RGS6: variants seen among roughly 807,000 people sequenced by gnomAD.
RGS6 encodes the protein regulator of G protein signaling 6.
RGS6 carries 30 observed loss-of-function variants against 78.5 expected under a neutral mutation model. The ratio of observed to expected loss-of-function variants is 0.38; its 90% confidence interval spans 0.29 to 0.52. The LOEUF (loss-of-function observed/expected upper bound fraction) is 0.52, where lower values mean the gene tolerates loss of function less well. Ranked by LOEUF, RGS6 falls within the 20% of genes least tolerant of loss-of-function variation. The pLI is 0.85. For synonymous variants in RGS6, 206 were observed against 206.0 expected (o/e 1.00, Z 0.00); for missense variants, 495 against 609.7 (o/e 0.81, Z 1.98).
intron 2 of RGS6, among the ~76,000 whole-genome samples, chr14:72,281,356 C>T (rs1032907547): frequency 1.3e-5 from 2 of 151,954 alleles, no homozygotes; most frequent in Admixed American, 1.3e-4. Flanking sequence ...TCCATGTTGG[C>T]CAGGCTGGTC....
chr14:72,083,734 A>G (rs1360095902), intron 2 of RGS6, among the ~76,000 whole-genome samples: 2 of 152,238 alleles, frequency 1.3e-5, no homozygotes, highest in Admixed American at 1.3e-4. Flanking sequence ...TCTGCTAAAG[A>G]TAATTCTAAT....
intron 15 of RGS6, among the ~76,000 whole-genome samples, chr14:72,530,911 T>C (rs779739120): frequency 1.3e-5 from 2 of 152,164 alleles, no homozygotes; most frequent in Non-Finnish European, 2.9e-5. Context: ...TGCTGAACAT[T>C]AAATTCCAAC....
At chr14:72,173,290 GA>G (rs1429076915) in intron 2 of RGS6, among the ~76,000 whole-genome samples, 1 of 152,082 alleles carries the variant, frequency 6.6e-6, no homozygotes, top group African/African-American at 2.4e-5. Flanking sequence ...ATCTGGCTCA[GA>G]ATGTCAGTAG....
At chr14:72,439,837 G>A (rs1250450892) in intron 3 of RGS6, among the ~76,000 whole-genome samples, 4 of 152,224 alleles carry the variant, frequency 2.6e-5, no homozygotes, top group Non-Finnish European at 5.9e-5. Context: ...GTGTTCTGCT[G>A]AAGGCTGTGG....
At chr14:72,539,682 G>C (rs944390011) in intron 16 of RGS6, among the ~76,000 whole-genome samples, 2 of 152,156 alleles carry the variant, frequency 1.3e-5, no homozygotes, top group African/African-American at 4.8e-5. Flanking sequence ...CTGTGGGCAC[G>C]GCAGGTTGAA....
chr14:72,177,585 G>T (rs982868426), intron 2 of RGS6, among the ~76,000 whole-genome samples: 2 of 152,188 alleles, frequency 1.3e-5, no homozygotes, highest in African/African-American at 4.8e-5. Context: ...GTAGATTTAA[G>T]TAATGGAAAG....
chr14:72,429,212 AG>A (rs1241221282), intron 3 of RGS6, among the ~76,000 whole-genome samples: 1 of 152,192 alleles, frequency 6.6e-6, no homozygotes, highest in Non-Finnish European at 1.5e-5. Context: ...AGATAAAAAA[AG>A]GGATGTGCAT....
chr14:71,902,099 G>A, the RGS6 span, among the ~76,000 whole-genome samples: 1 of 152,000 alleles, frequency 6.6e-6, no homozygotes, highest in Non-Finnish European at 1.5e-5. Context: ...AAAGAACCTG[G>A]TTTTTGATGA....
At chr14:71,926,467 C>G in the RGS6 span, among the ~76,000 whole-genome samples, 1 of 151,546 alleles carries the variant, frequency 6.6e-6, no homozygotes, top group Admixed American at 6.6e-5. Flanking sequence ...GCCTGTAATC[C>G]CAGCTGCTTG....
chr14:72,449,016 C>T (rs1414340618), intron 3 of RGS6, among the ~76,000 whole-genome samples: 2 of 152,210 alleles, frequency 1.3e-5, no homozygotes, highest in African/African-American at 4.8e-5. Flanking sequence ...GGAAATGTCA[C>T]TCCGCCTTCA....
chr14:72,090,112 C>CA (rs760072084), intron 2 of RGS6, among the ~76,000 whole-genome samples: 13,035 of 43,730 alleles, frequency 0.3, 1,668 homozygotes, highest in African/African-American at 0.47. Flanking sequence ...GACTCCATCT[C>CA]AAAAAAAAAA....
At chr14:72,464,059 C>G (rs888581890) in intron 6 of RGS6, among the ~76,000 whole-genome samples, 1 of 152,192 alleles carries the variant, frequency 6.6e-6, no homozygotes, top group African/African-American at 2.4e-5. Flanking sequence ...CTTAAATCAA[C>G]CGCACTCAAA....
intron 2 of RGS6, among the ~76,000 whole-genome samples, chr14:72,178,763 G>T (rs2097137867): frequency 6.6e-6 from 1 of 152,148 alleles, no homozygotes; most frequent in South Asian, 2.1e-4. Context: ...AAAACAGAGT[G>T]TTAGTAGTGA....
At chr14:72,051,616 G>A (rs1039715543) in intron 2 of RGS6, among the ~76,000 whole-genome samples, 5 of 152,124 alleles carry the variant, frequency 3.3e-5, no homozygotes, top group African/African-American at 9.7e-5. Context: ...GGTGAAAGGG[G>A]TACAGATAGT....
chr14:72,073,727 T>C (rs1032049597), intron 2 of RGS6, among the ~76,000 whole-genome samples: 1 of 152,190 alleles, frequency 6.6e-6, no homozygotes, highest in Non-Finnish European at 1.5e-5. Flanking sequence ...GGAATAAATT[T>C]TTTTTTCTCA....
At chr14:72,484,318 T>C (rs1472033313) in intron 12 of RGS6, among the ~76,000 whole-genome samples, 1 of 152,198 alleles carries the variant, frequency 6.6e-6, no homozygotes, top group Admixed American at 6.5e-5. Flanking sequence ...TGTTTGTTTG[T>C]TTGTTTGTTT....
chr14:72,144,030 CATT>C (rs746858879), intron 2 of RGS6, among the ~76,000 whole-genome samples: 7 of 152,070 alleles, frequency 4.6e-5, no homozygotes, highest in Non-Finnish European at 1.0e-4. Context: ...TCAAACTCAT[CATT>C]GAGACATTGG....
intron 2 of RGS6, among the ~76,000 whole-genome samples, chr14:71,997,484 A>G (rs1475319841): frequency 2.0e-5 from 3 of 152,232 alleles, no homozygotes; most frequent in Non-Finnish European, 4.4e-5. Flanking sequence ...CAGAAATTAT[A>G]TTAAAATCAT....
intron 2 of RGS6, among the ~76,000 whole-genome samples, chr14:72,177,217 A>T (rs955660408): frequency 6.6e-6 from 1 of 152,224 alleles, no homozygotes; most frequent in African/African-American, 2.4e-5. Flanking sequence ...TGGTGGACAT[A>T]GGCACCCATG....
Sources: gnomAD v4.1 joint callset for allele counts (sites outside exome capture counted in the v4.1 genomes callset) on GRCh38, gnomAD v4.1.1 for gene constraint, MANE v1.5 for transcripts, NCBI Gene and HGNC (gene_info 2026-07-23, HGNC 2026-07-21) for gene names.